Variants in LRRIQ1 observed in about 807,000 individuals in gnomAD.
LRRIQ1 encodes the protein leucine rich repeats and IQ motif containing 1, also known as leucine-rich repeat- and IQ domain-containing protein 1.
A neutral mutation model predicts 211.9 loss-of-function variants in LRRIQ1; 210 were observed. The ratio of observed to expected loss-of-function variants is 0.99; its 90% CI spans 0.89 to 1.11. The LOEUF is 1.11. Ranked by LOEUF, LRRIQ1 falls within the 50% of genes most tolerant of loss-of-function variation. LRRIQ1 has a pLI of 0.00. For missense variants in LRRIQ1, 2,136 were observed against 1,939.5 expected, an observed-to-expected ratio of 1.10 and a Z score of -1.90; for synonymous variants, 699 against 650.1, an observed-to-expected ratio of 1.08 and a Z score of -1.14.
rs141238994 is a variant in LRRIQ1 at position 85,225,105 on chromosome 12, T to G, written c.4823-4412T>G. On this transcript the variant is annotated intron_variant, in intron 24 of 26. Transcript: ENST00000393217. ...AACTGCAGATTAAAAAAATTTTTTT[T>G]AAATGCACTTATACTGAACATGTAC... 5.9e-3 allele frequency among the ~76,000 whole-genome samples: 901 copies of G among 152,210 alleles called. 14 individuals carry two copies. The highest frequency in any genetic ancestry group is 0.02 in the African/African-American group (851 of 41,534).
intron 15 of LRRIQ1, among the ~76,000 whole-genome samples, chr12:85,118,499 GT>G (rs71445022): frequency 1.4e-3 from 174 of 127,820 alleles, no homozygotes; most frequent in East Asian, 3.2e-3. Flanking sequence ...GAAAAACTAT[GT>G]TTTTTTTTTT....
At chr12:85,207,409 G>A (rs1007754031) in intron 24 of LRRIQ1, among the ~76,000 whole-genome samples, 2 of 152,046 alleles carry the variant, frequency 1.3e-5, no homozygotes, top group African/African-American at 4.8e-5. Flanking sequence ...AGAGTATTTT[G>A]TGTATTTTTG....
At chr12:85,159,616 G>A (rs1446337025) in intron 23 of LRRIQ1, 1 of 151,962 alleles carries the variant, frequency 6.6e-6, no homozygotes, top group Non-Finnish European at 1.5e-5. Context: ...TGAATTGTTT[G>A]TGATGTTGTC....
intron 26 of LRRIQ1, among the ~76,000 whole-genome samples, chr12:85,244,152 G>A (rs1283728826): frequency 6.6e-6 from 1 of 151,080 alleles, no homozygotes; most frequent in South Asian, 2.1e-4. Flanking sequence ...ACTTAGATTC[G>A]GTCTAAGTAA....
At chr12:85,212,991 G>T (rs1314947452) in intron 24 of LRRIQ1, among the ~76,000 whole-genome samples, 1 of 150,814 alleles carries the variant, frequency 6.6e-6, no homozygotes, top group East Asian at 1.9e-4. Flanking sequence ...CACAAAATGA[G>T]ATTGTGTACT....
chr12:85,041,195 A>G (rs986212167), intron 3 of LRRIQ1, among the ~76,000 whole-genome samples: 1 of 151,790 alleles, frequency 6.6e-6, no homozygotes, highest in African/African-American at 2.4e-5. Flanking sequence ...CTATTTTAAA[A>G]TTAAATGGCA....
chr12:85,154,395 A>T (rs1200259999), intron 23 of LRRIQ1, among the ~76,000 whole-genome samples: 1 of 151,274 alleles, frequency 6.6e-6, no homozygotes, highest in African/African-American at 2.4e-5. Flanking sequence ...ATTTTGGCAA[A>T]TGTTGACTCT....
intron 15 of LRRIQ1, among the ~76,000 whole-genome samples, chr12:85,108,967 A>C (rs1886974259): frequency 6.6e-6 from 1 of 151,708 alleles, no homozygotes; most frequent in Non-Finnish European, 1.5e-5. Flanking sequence ...TTTATGAACA[A>C]AACACAAACT....
intron 15 of LRRIQ1, among the ~76,000 whole-genome samples, chr12:85,113,907 TTGTGTGTGTGTGTG>T (rs71076112): frequency 2.6e-4 from 37 of 140,966 alleles, no homozygotes; most frequent in African/African-American, 6.8e-4. Flanking sequence ...CAAATGAGTT[TTGTGTGTGTGTGTG>T]TGTGTGTGTG....
chr12:85,148,657 A>G (rs901980158), intron 19 of LRRIQ1, among the ~76,000 whole-genome samples: 3 of 152,004 alleles, frequency 2.0e-5, no homozygotes, highest in Admixed American at 1.3e-4. Flanking sequence ...TCCTTTGGGT[A>G]TATACCTAGT....
At chr12:85,241,689 G>A (rs1895469302) in intron 26 of LRRIQ1, among the ~76,000 whole-genome samples, 1 of 151,852 alleles carries the variant, frequency 6.6e-6, no homozygotes, top group Non-Finnish European at 1.5e-5. Context: ...CATGTAAGGG[G>A]ACTTCATCTT....
intron 23 of LRRIQ1, among the ~76,000 whole-genome samples, chr12:85,160,131 A>G (rs1202776599): frequency 1.3e-5 from 2 of 151,984 alleles, no homozygotes; most frequent in Non-Finnish European, 2.9e-5. Flanking sequence ...TTGTTTCTTA[A>G]TTTGATATGT....
chr12:85,153,109 A>G lies in LRRIQ1; in HGVS notation c.4505A>G (p.Asn1502Ser), dbSNP rs758283979. Residue 1502 changes from asparagine to serine, a missense_variant, in exon 21 of 27, where the codon AAT (asparagine) becomes AGT (serine). Coordinates refer to ENST00000393217, the MANE Select transcript of LRRIQ1 (RefSeq NM_001079910.2). ...AQAWLCNDKE[N>S]LSSSEHTQFN... is the part of the protein sequence containing the mutation. ...GCATGGTTATGTAATGACAAAGAAA[A>G]TTTGTCTTCTTCAGAACACACACAA... is the stretch of plus-strand genomic sequence containing the variant. 1.9e-6 allele frequency: 3 copies of G among 1,588,964 alleles called. No individual in the cohort carries two copies. Among genetic ancestry groups the G allele is most frequent in the African/African-American group, 2.7e-5 (2 of 73,586 alleles).
intron 24 of LRRIQ1, among the ~76,000 whole-genome samples, chr12:85,217,640 A>ATG (rs1894197701): frequency 1.5e-4 from 21 of 141,252 alleles, no homozygotes; most frequent in African/African-American, 5.0e-4. Flanking sequence ...ATATATGTAT[A>ATG]TATATGTGTA....
chr12:85,124,974 C>G (rs926534931), intron 17 of LRRIQ1: 1 of 175,942 alleles, frequency 5.7e-6, no homozygotes, highest in African/African-American at 2.4e-5. Flanking sequence ...GTCAGGAGAT[C>G]GAGACCATCC....
intron 24 of LRRIQ1, among the ~76,000 whole-genome samples, chr12:85,193,020 ATATATT>A (rs1892671910): frequency 3.3e-5 from 1 of 30,688 alleles, no homozygotes; most frequent in East Asian, 4.1e-4. Context: ...TAATTATATA[ATATATT>A]TATTATATTA....
chr12:85,037,514 T>G (rs1308669466), intron 1 of LRRIQ1, among the ~76,000 whole-genome samples: 1 of 152,116 alleles, frequency 6.6e-6, no homozygotes, highest in Non-Finnish European at 1.5e-5. Flanking sequence ...TTCTTTTCCT[T>G]TTTTTATTTT....
chr12:85,232,862 GTATC>G, intron 26 of LRRIQ1, 106 bp downstream of exon 26: 1 of 756,650 alleles, frequency 1.3e-6, no homozygotes, highest in Non-Finnish European at 2.3e-6. Flanking sequence ...TATCACAACT[GTATC>G]TATTTGGGAT....
intron 15 of LRRIQ1, 58 bp downstream of exon 15, chr12:85,106,673 T>A: frequency 8.8e-7 from 1 of 1,131,580 alleles, no homozygotes; most frequent in Non-Finnish European, 1.3e-6. Context: ...AGAAAAAAGT[T>A]TGATAAAAAT....
Sources: allele counts gnomAD v4.1 joint callset (sites outside exome capture counted in the v4.1 genomes callset), GRCh38; gene constraint gnomAD v4.1.1; transcripts MANE v1.5; gene names NCBI Gene and HGNC (gene_info 2026-07-23, HGNC 2026-07-21).